Variants in MRRF observed in about 807,000 individuals in gnomAD.
The protein encoded by MRRF is mitochondrial ribosome recycling factor, also known as ribosome-recycling factor, mitochondrial.
MRRF carries 18 observed loss-of-function variants against 25.1 expected under a neutral mutation model. That is an observed-to-expected ratio of 0.72 (90% CI 0.50 to 1.06). The LOEUF is 1.06. Among genes scored for constraint, MRRF ranks in the 50% least tolerant of loss-of-function variants. The probability of loss-of-function intolerance (pLI) is 0.00; values close to 1 mark genes in which losing one functional copy is unlikely to be tolerated. For synonymous variants in MRRF, 113 were observed against 112.1 expected, an observed-to-expected ratio of 1.01 and a Z score of -0.05; for missense variants, 323 against 319.3, an observed-to-expected ratio of 1.01 and a Z score of -0.09.
chr9:122,296,167 C>G (rs1834072923), intron 5 of MRRF, among the ~76,000 whole-genome samples: 3 of 152,006 alleles, frequency 2.0e-5, no homozygotes, highest in Non-Finnish European at 4.4e-5. Context: ...GCTGTCTCCT[C>G]AGGTAAATAA....
chr9:122,277,676 G>A (rs926286318), intron 2 of MRRF, among the ~76,000 whole-genome samples: 8 of 152,054 alleles, frequency 5.3e-5, no homozygotes, highest in Middle Eastern at 3.4e-3. Context: ...TCAGCCTCCC[G>A]AGTAGCTGGG....
chr9:122,307,500 C>T (rs779810974), intron 5 of MRRF, among the ~76,000 whole-genome samples: 10 of 152,192 alleles, frequency 6.6e-5, no homozygotes, highest in African/African-American at 2.4e-4. Flanking sequence ...TCTCACCACT[C>T]GCATCCTATT....
intron 5 of MRRF, among the ~76,000 whole-genome samples, chr9:122,306,388 G>A (rs1301742451): frequency 2.0e-5 from 3 of 152,138 alleles, no homozygotes; most frequent in Non-Finnish European, 2.9e-5. Context: ...TTGTAAGAGG[G>A]ACCGAATGGG....
chr9:122,314,956 A>T (rs563763130), intron 6 of MRRF, among the ~76,000 whole-genome samples: 11 of 152,260 alleles, frequency 7.2e-5, no homozygotes, highest in Admixed American at 5.9e-4. Context: ...GGGAGTGAAG[A>T]GAGAAGCGAG....
At chr9:122,316,106 C>G (rs1352312481) in intron 6 of MRRF, among the ~76,000 whole-genome samples, 1 of 151,806 alleles carries the variant, frequency 6.6e-6, no homozygotes, top group East Asian at 1.9e-4. Flanking sequence ...AGTTATCTCT[C>G]GAAACAAGAA....
rs1304197862 is a variant in MRRF at position 122,329,639 on chromosome 9, A to G, written c.*7022A>G. The G allele has an allele frequency of 2.0e-5, 3 of 152,258 alleles. No homozygotes were observed. The highest frequency in any genetic ancestry group is 1.3e-4 in the Admixed American group (2 of 15,270). 9.4% of individuals were successfully genotyped at this position (152,258 alleles called of 1,614,324 possible). A position where few individuals can be genotyped will look rare whatever the true frequency, so the allele number is the denominator to read the frequency against. On this transcript the variant is annotated 3_prime_UTR_variant, in exon 7 of 7. Transcript: ENST00000344641. ...CTCCCTGTCCCTCTCCCCTCATCCA[A>G]TAAGTCACCAAGTCCTGTCAATTCT...
chr9:122,268,162 T>G (rs1212739947), intron 1 of MRRF, among the ~76,000 whole-genome samples: 1 of 152,280 alleles, frequency 6.6e-6, no homozygotes, highest in Admixed American at 6.5e-5. Flanking sequence ...ACTTTGAAAT[T>G]TCTTGACTTC....
chr9:122,295,156 T>C (rs562352987), intron 5 of MRRF, among the ~76,000 whole-genome samples: 2 of 152,244 alleles, frequency 1.3e-5, no homozygotes, highest in Non-Finnish European at 2.9e-5. Flanking sequence ...GGACTTGCCA[T>C]ATATGCTTAT....
intron 5 of MRRF, among the ~76,000 whole-genome samples, chr9:122,303,023 C>T (rs1834570135): frequency 6.6e-6 from 1 of 152,062 alleles, no homozygotes; most frequent in Non-Finnish European, 1.5e-5. Flanking sequence ...TATTCAAGTC[C>T]TTTGCCCATT....
In MRRF at chr9:122,329,631, C is replaced by G. The variant is rs1367101275; in HGVS notation, c.*7014C>G. 6.6e-6 allele frequency: 1 copy of G among 152,414 alleles called. No homozygotes were observed. The highest frequency in any genetic ancestry group is 1.9e-4 in the East Asian group (1 of 5,198). 9.4% of individuals were successfully genotyped at this position (152,414 alleles called of 1,614,324 possible). On this transcript the variant is annotated 3_prime_UTR_variant, in exon 7 of 7. Coordinates refer to ENST00000344641, the MANE Select transcript of MRRF (RefSeq NM_138777.5). ...ACTTTTGCCTCCCTGTCCCTCTCCC[C>G]TCATCCAATAAGTCACCAAGTCCTG...
At chr9:122,292,729 C>T (rs1427832866) in intron 5 of MRRF, among the ~76,000 whole-genome samples, 1 of 152,196 alleles carries the variant, frequency 6.6e-6, no homozygotes, top group Admixed American at 6.5e-5. Context: ...ATGTGAGGGT[C>T]TCTCTGACTG....
chr9:122,282,651 A>G (rs1187242540), intron 3 of MRRF, among the ~76,000 whole-genome samples: 1 of 152,220 alleles, frequency 6.6e-6, no homozygotes, highest in Admixed American at 6.5e-5. Context: ...TATCTCATAG[A>G]GTTAATATGA....
chr9:122,287,538 A>G (rs1484037626), intron 4 of MRRF, among the ~76,000 whole-genome samples: 1 of 152,130 alleles, frequency 6.6e-6, no homozygotes, highest in African/African-American at 2.4e-5. Flanking sequence ...CAGCTTGAAG[A>G]CCTCATCAGG....
At chr9:122,303,446 C>G (rs1217329963) in intron 5 of MRRF, among the ~76,000 whole-genome samples, 1 of 152,052 alleles carries the variant, frequency 6.6e-6, no homozygotes, top group Admixed American at 6.6e-5. Flanking sequence ...TACAGTGGCA[C>G]AATCACAATT....
intron 2 of MRRF, among the ~76,000 whole-genome samples, chr9:122,273,466 G>T (rs1404920657): frequency 1.4e-5 from 2 of 147,308 alleles, no homozygotes; most frequent in East Asian, 2.0e-4. Context: ...AAAAGATCTT[G>T]TACAGTTATT....
At chr9:122,281,947 T>C (rs988997633) in intron 3 of MRRF, among the ~76,000 whole-genome samples, 1 of 152,182 alleles carries the variant, frequency 6.6e-6, no homozygotes, top group Admixed American at 6.5e-5. Context: ...ACCACCACAA[T>C]TGCATTCTGA....
At chr9:122,276,947 A>G (rs1832813496) in intron 2 of MRRF, among the ~76,000 whole-genome samples, 1 of 152,060 alleles carries the variant, frequency 6.6e-6, no homozygotes, top group Admixed American at 6.6e-5. Context: ...TGCAACCTTA[A>G]TCTTCTGGGC....
intron 5 of MRRF, among the ~76,000 whole-genome samples, chr9:122,307,494 A>G (rs747547694): frequency 6.6e-6 from 1 of 152,002 alleles, no homozygotes; most frequent in Non-Finnish European, 1.5e-5. Flanking sequence ...TTTCTCTCTC[A>G]CCACTCGCAT....
intron 2 of MRRF, among the ~76,000 whole-genome samples, chr9:122,276,979 G>T (rs1832816808): frequency 6.6e-6 from 1 of 152,024 alleles, no homozygotes; most frequent in Admixed American, 6.6e-5. Context: ...TCCTACCTCA[G>T]CCTCCCAAGT....
Sources: allele counts gnomAD v4.1 joint callset (sites outside exome capture counted in the v4.1 genomes callset), GRCh38; gene constraint gnomAD v4.1.1; transcripts MANE v1.5; gene names NCBI Gene and HGNC (gene_info 2026-07-23, HGNC 2026-07-21).